VSIG1: variants seen among roughly 807,000 people sequenced by gnomAD.
VSIG1 encodes the protein V-set and immunoglobulin domain containing 1.
In VSIG1, 11 loss-of-function variants were observed where a neutral mutation model predicts 20.1. The observed-to-expected ratio is 0.55, with a 90% CI of 0.34 to 0.91. The LOEUF (loss-of-function observed/expected upper bound fraction) is 0.91. Among genes scored for constraint, VSIG1 ranks in the 40% least tolerant of loss-of-function variants. The pLI is 0.02. For synonymous variants in VSIG1, 126 were observed against 116.7 expected (o/e 1.08, Z -0.52); for missense variants, 283 against 298.8 (o/e 0.95, Z 0.39).
rs1293844233 is a variant in VSIG1 at position 108,077,091 on chromosome X, C to T, written c.874C>T (p.Pro292Ser). 2 of 1,211,127 alleles carry T rather than the reference C, an allele frequency of 1.7e-6. No homozygotes were observed. Among genetic ancestry groups the T allele is most frequent in the Admixed American group, 4.4e-5 (2 of 45,907 alleles). Residue 292 changes from proline (P) to serine (S), a missense_variant, in exon 7 of 7, where the codon CCA (proline) becomes TCA (serine). Physicochemically the swap from Pro to Ser is moderately conservative, Grantham distance 74. Coordinates refer to ENST00000217957, the MANE Select transcript of VSIG1 (RefSeq NM_182607.5). ...CCCAAGGGGAGAAAGCGAAGCAATG[C>T]CAAGAGAAGACGCTACCCAACTAGA... ...INPRGESEAMPREDATQLEVT... is the reference protein window; with the variant it reads ...INPRGESEAMSREDATQLEVT...
At chrX:108,039,800 A>G in the VSIG1 span, among the ~76,000 whole-genome samples, 1 of 111,416 alleles carries the variant, frequency 9.0e-6, no homozygotes, top group African/African-American at 3.3e-5. Flanking sequence ...GATGTGTTAT[A>G]TGAGAAAACG....
Position 108,059,035 on chromosome X carries a change from A to G in VSIG1, c.213+834A>G, listed in dbSNP as rs1280657739. ...ACATATGCCATGCATGCCTACACAT[A>G]TCCCTTGATGGAAAAGGTCTGTAGC... On this transcript the variant is annotated intron_variant, in intron 2 of 6. Coordinates refer to ENST00000217957, the MANE Select transcript of VSIG1 (RefSeq NM_182607.5). Among the ~76,000 whole-genome samples, 9 of 112,045 alleles carry G rather than the reference A, an allele frequency of 8.0e-5. No individual in the cohort carries two copies. In the Admixed American group the frequency reaches 8.5e-4, roughly 11 times the overall value.
chrX:108,054,735 A>C (rs1052347998), intron 1 of VSIG1, among the ~76,000 whole-genome samples: 1 of 110,714 alleles, frequency 9.0e-6, no homozygotes, highest in Non-Finnish European at 1.9e-5. Flanking sequence ...GAAATCTCAA[A>C]AGGAATTTTT....
At chrX:108,038,020 G>C in the VSIG1 span, among the ~76,000 whole-genome samples, 1 of 111,876 alleles carries the variant, frequency 8.9e-6, no homozygotes, top group Middle Eastern at 4.6e-3. Flanking sequence ...CATTTCTGCT[G>C]ATACCCAGGG....
rs1285185446 is a variant in VSIG1, at chrX:108,077,034, C to T, written c.831-14C>T. On this transcript the variant is annotated splice_polypyrimidine_tract_variant and intron_variant, in intron 6 of 6. Coordinates refer to ENST00000217957, the MANE Select transcript of VSIG1 (RefSeq NM_182607.5). ...CTCCCTAACTTGTTCTTTTCTGGGC[C>T]TTCTTTCTTGCAGGCCAATGACAAA... is the stretch of plus-strand genomic sequence containing the variant. The T allele has an allele frequency of 8.4e-7, 1 of 1,190,525 alleles. No homozygotes were observed.
At chrX:108,047,973 T>C (rs867821324) in intron 1 of VSIG1, among the ~76,000 whole-genome samples, 2 of 59,667 alleles carry the variant, frequency 3.4e-5, no homozygotes, top group East Asian at 5.2e-4. Context: ...TATATATATA[T>C]ATATATATAT....
At position 108,077,043 on chromosome X, in the gene VSIG1, T is replaced by C; in HGVS notation, c.831-5T>C. 8.4e-7 allele frequency: 1 copy of C among 1,195,154 alleles called. No individual in the cohort carries two copies. On this transcript the variant is annotated splice_region_variant and splice_polypyrimidine_tract_variant and intron_variant, in intron 6 of 6. Transcript: ENST00000217957. ...TTGTTCTTTTCTGGGCCTTCTTTCT[T>C]GCAGGCCAATGACAAAGATAAACCC...
chrX:108,061,237 A>G (rs1275258505), intron 2 of VSIG1, among the ~76,000 whole-genome samples: 1 of 112,556 alleles, frequency 8.9e-6, no homozygotes, highest in Non-Finnish European at 1.9e-5. Context: ...TAATCTAGGG[A>G]TTGCTGGTGG....
chrX:108,032,213 A>G, the VSIG1 span, among the ~76,000 whole-genome samples: 6 of 112,571 alleles, frequency 5.3e-5, no homozygotes, highest in Non-Finnish European at 7.5e-5. Context: ...GTTTTCCACT[A>G]GACTGGGTGG....
Position 108,074,534 on chromosome X carries a change from G to A in VSIG1, c.688+1165G>A, listed in dbSNP as rs747861922. ...CTACTGTGTTCCAGGGACTGTCCTA[G>A]GTGATAAAGATACAGAGATAAAGAA... On this transcript the variant is annotated intron_variant, in intron 5 of 6. Transcript: ENST00000217957. Among the ~76,000 whole-genome samples the A allele has an allele frequency of 2.6e-4, 29 of 111,480 alleles. No individual in the cohort carries two copies. The East Asian group carries it at 8.1e-3, about 31-fold the overall frequency.
At chrX:108,037,457 G>A in the VSIG1 span, among the ~76,000 whole-genome samples, 3 of 111,505 alleles carry the variant, frequency 2.7e-5, no homozygotes, top group Non-Finnish European at 5.6e-5. Flanking sequence ...CCCAAGCACC[G>A]CAAAGACAGT....
intron 3 of VSIG1, among the ~76,000 whole-genome samples, chrX:108,072,305 T>C (rs1369042698): frequency 2.7e-5 from 3 of 111,065 alleles, no homozygotes; most frequent in Non-Finnish European, 3.8e-5. Flanking sequence ...CAGGATGGAG[T>C]GCAGTGGCGT....
rs552357396 is a variant in VSIG1, at chrX:108,054,712, G to A, written c.50-3326G>A. Among the ~76,000 whole-genome samples, 6 of 110,576 alleles carry A rather than the reference G, an allele frequency of 5.4e-5. No homozygotes were observed. The East Asian group carries it at 8.5e-4, about 16-fold the overall frequency. On this transcript the variant is annotated intron_variant, in intron 1 of 6. Coordinates refer to ENST00000217957, the MANE Select transcript of VSIG1 (RefSeq NM_182607.5). ...TAAACAACACTGTTCTAAATAATCC[G>A]TGGATCAAAGAGGAAATCTCAAAAG...
At chrX:108,073,086 GT>G (rs2031282160) in intron 4 of VSIG1, among the ~76,000 whole-genome samples, 163 bp from the exon 5 acceptor site, 1 of 111,566 alleles carries the variant, frequency 9.0e-6, no homozygotes, top group African/African-American at 3.3e-5. Context: ...ATGGTCCCAG[GT>G]GAGTTAGCAC....
At chrX:108,045,262 A>G in intron 1 of VSIG1, 83 bp downstream of exon 1, 1 of 804,407 alleles carries the variant, frequency 1.2e-6, no homozygotes, top group Admixed American at 3.3e-5. Flanking sequence ...TTTACATAGA[A>G]TTTTCATCTC....
intron 5 of VSIG1, among the ~76,000 whole-genome samples, chrX:108,074,634 T>A: frequency 8.9e-6 from 1 of 112,257 alleles, no homozygotes; most frequent in Middle Eastern, 4.6e-3. Flanking sequence ...CTAAATCCTA[T>A]AATAGAAGTC....
the VSIG1 span, among the ~76,000 whole-genome samples, chrX:108,028,680 C>T: frequency 1.8e-5 from 2 of 111,266 alleles, no homozygotes; most frequent in Admixed American, 9.6e-5. Context: ...GGATATACAT[C>T]TAATAGTAGT....
chrX:108,071,420 A>C (rs1462950373), intron 3 of VSIG1, among the ~76,000 whole-genome samples: 2 of 112,033 alleles, frequency 1.8e-5, no homozygotes, highest in Non-Finnish European at 3.8e-5. Flanking sequence ...TAGATATGAT[A>C]GATATATAAA....
chrX:108,056,649 T>C (rs1479335523), intron 1 of VSIG1, among the ~76,000 whole-genome samples: 1 of 112,746 alleles, frequency 8.9e-6, no homozygotes, highest in Non-Finnish European at 1.9e-5. Context: ...CATCGTTATC[T>C]ATTTGAGAAA....
Sources: allele counts gnomAD v4.1 joint callset (sites outside exome capture counted in the v4.1 genomes callset), GRCh38; gene constraint gnomAD v4.1.1; transcripts MANE v1.5; gene names NCBI Gene and HGNC (gene_info 2026-07-23, HGNC 2026-07-21).